Variants in ZNF652 observed in about 807,000 individuals in gnomAD.
ZNF652 encodes zinc finger protein 652.
In ZNF652, 16 loss-of-function variants were observed where a neutral mutation model predicts 45.2. The observed-to-expected ratio is 0.35, with a 90% CI of 0.24 to 0.54. The LOEUF is 0.54. Among genes scored for constraint, ZNF652 ranks in the 20% least tolerant of loss-of-function variants. The pLI, the probability that ZNF652 is intolerant of heterozygous loss-of-function variation, is 0.91. For missense variants in ZNF652, 614 were observed against 765.6 expected (o/e 0.80, Z 2.34); for synonymous variants, 250 against 260.6 (o/e 0.96, Z 0.39).
At chr17:49,324,591 T>C (rs184587734) in intron 1 of ZNF652, among the ~76,000 whole-genome samples, 51 of 152,140 alleles carry the variant, frequency 3.4e-4, no homozygotes, top group Middle Eastern at 3.4e-3. Context: ...TGTTTCACTA[T>C]GTTGGCCAGG....
Position 49,291,770 on chromosome 17 carries a change from C to A in ZNF652, c.*6643G>T, listed in dbSNP as rs908736628. 1.3e-5 allele frequency: 2 copies of A among 152,146 alleles called. No homozygotes were observed. The highest frequency in any genetic ancestry group is 2.9e-5 in the Non-Finnish European group (2 of 68,026). 9.4% of individuals were successfully genotyped at this position (152,146 alleles called of 1,614,324 possible). The stretch of plus-strand genomic sequence containing the variant: ...CTATCCAAGAGGCAAACTTCTAGAT[C>A]AATAATGAGGAAGAAACATCATGGC... On this transcript the variant is annotated 3_prime_UTR_variant, in exon 6 of 6. Transcript: ENST00000430262.
intron 1 of ZNF652, among the ~76,000 whole-genome samples, chr17:49,345,343 TA>T (rs1269867628): frequency 6.6e-6 from 1 of 151,238 alleles, no homozygotes; most frequent in East Asian, 2.0e-4. Context: ...GCTGGGATTA[TA>T]GGTATGTTCC....
At chr17:49,302,340 G>C (rs1415480636) in intron 5 of ZNF652, among the ~76,000 whole-genome samples, 2 of 147,998 alleles carry the variant, frequency 1.4e-5, no homozygotes, top group Non-Finnish European at 3.0e-5. Flanking sequence ...CCAGGCTGGA[G>C]TGCAGTGGTG....
rs533008735 is a variant in ZNF652 at position 49,310,104 on chromosome 17, C to T, written c.1309+1208G>A. On this transcript the variant is annotated intron_variant, in intron 5 of 5. Transcript: ENST00000430262. The stretch of plus-strand genomic sequence containing the variant: ...GAGTAGCTGGGACCACAGGCGCCCA[C>T]CACCATGCCCGGCTAATTTTTTGTA... 7.2e-5 allele frequency among the ~76,000 whole-genome samples: 11 copies of T among 152,306 alleles called. No individual in the cohort carries two copies. In the South Asian group the frequency reaches 1.7e-3, roughly 23 times the overall value.
At position 49,295,920 on chromosome 17, in the gene ZNF652, A is replaced by C. The variant is rs2069466969; in HGVS notation, c.*2493T>G. Reference sequence around the variant, plus strand: ...GCCACTGCACTCCAGCCCAGGCAACAGAACAAGACTCTGCCTCAAAAAAAA... The same window carrying C: ...GCCACTGCACTCCAGCCCAGGCAACCGAACAAGACTCTGCCTCAAAAAAAA... On this transcript the variant is annotated 3_prime_UTR_variant, in exon 6 of 6. Transcript: ENST00000430262. 1 of 145,250 alleles carries C rather than the reference A, an allele frequency of 6.9e-6. No individual in the cohort carries two copies. Among genetic ancestry groups the C allele is most frequent in the Non-Finnish European group, 1.5e-5 (1 of 66,668 alleles). The allele number at this position is 145,250 out of a possible 1,614,324, so 9.0% of individuals were successfully genotyped here.
chr17:49,340,571 A>AAT (rs1408904683), intron 1 of ZNF652, among the ~76,000 whole-genome samples: 3 of 118,868 alleles, frequency 2.5e-5, no homozygotes, highest in Admixed American at 8.0e-5. Context: ...AAAAAAAAAA[A>AAT]GAAAGAAAGA....
chr17:49,308,624 A>C (rs750441074), intron 5 of ZNF652, among the ~76,000 whole-genome samples: 1 of 152,126 alleles, frequency 6.6e-6, no homozygotes, highest in Non-Finnish European at 1.5e-5. Flanking sequence ...CAACACAGTG[A>C]AACCCCATCT....
In ZNF652 at chr17:49,297,755, A is replaced by G. The variant is rs1466242496; in HGVS notation, c.*658T>C. Reference sequence around the variant, plus strand: ...TTTTTCTATTTTACAACATAGGTTCAGCTACACTGAAAAAATTACACTGCT... The same window carrying G: ...TTTTTCTATTTTACAACATAGGTTCGGCTACACTGAAAAAATTACACTGCT... On this transcript the variant is annotated 3_prime_UTR_variant, in exon 6 of 6. Transcript: ENST00000430262. The G allele has an allele frequency of 2.0e-5, 3 of 152,688 alleles. No individual in the cohort carries two copies. The highest frequency in any genetic ancestry group is 7.2e-5 in the African/African-American group (3 of 41,468). The allele number at this position is 152,688 out of a possible 1,614,324, so 9.5% of individuals were successfully genotyped here.
At chr17:49,351,014 T>TATATACAC (rs2070273379) in intron 1 of ZNF652, among the ~76,000 whole-genome samples, 23 of 29,680 alleles carry the variant, frequency 7.7e-4, no homozygotes, top group Non-Finnish European at 8.2e-4. Context: ...TATATATATA[T>TATATACAC]ACACACACAC....
rs543351873 is a variant in ZNF652 at position 49,350,336 on chromosome 17, C to T, written c.-259+11573G>A. Among the ~76,000 whole-genome samples, 291 of 151,864 alleles carry T rather than the reference C, an allele frequency of 1.9e-3. 1 individual carries two copies. The highest frequency in any genetic ancestry group is 3.1e-3 in the Non-Finnish European group (211 of 67,962). On this transcript the variant is annotated intron_variant, in intron 1 of 5. Transcript: ENST00000430262. ...GGCAGATCACCTGAGATCAGGAGTT[C>T]GAGACCAGCCTGGCCAACATGGCAA...
rs1321827712 is a variant in ZNF652 at position 49,289,405 on chromosome 17, A to G, written c.*9008T>C. 1 of 152,246 alleles carries G rather than the reference A, an allele frequency of 6.6e-6. No individual in the cohort carries two copies. The highest frequency in any genetic ancestry group is 1.5e-5 in the Non-Finnish European group (1 of 68,038). 9.4% of individuals were successfully genotyped at this position (152,246 alleles called of 1,614,324 possible). A position where few individuals can be genotyped will look rare whatever the true frequency, so the allele number is the denominator to read the frequency against. On this transcript the variant is annotated 3_prime_UTR_variant, in exon 6 of 6. Coordinates refer to ENST00000430262, the MANE Select transcript of ZNF652 (RefSeq NM_001145365.3). ...AGTTTTAACAATCTATAAATTTTTTATACTTAAAATCATGATTGAGTTGAA... is the reference window on the plus strand; with the variant it reads ...AGTTTTAACAATCTATAAATTTTTTGTACTTAAAATCATGATTGAGTTGAA...
At chr17:49,356,182 C>A (rs139767540) in intron 1 of ZNF652, among the ~76,000 whole-genome samples, 1 of 151,866 alleles carries the variant, frequency 6.6e-6, no homozygotes, top group Non-Finnish European at 1.5e-5. Flanking sequence ...AATCTCAGCA[C>A]TTTGGGAGGC....
At chr17:49,331,371 T>C (rs2070023250) in intron 1 of ZNF652, among the ~76,000 whole-genome samples, 1 of 152,110 alleles carries the variant, frequency 6.6e-6, no homozygotes, top group South Asian at 2.1e-4. Context: ...TCCACCCACC[T>C]CGGCCTCCCA....
chr17:49,324,176 T>C (rs2069929664), intron 1 of ZNF652, among the ~76,000 whole-genome samples: 1 of 152,246 alleles, frequency 6.6e-6, no homozygotes, highest in Non-Finnish European at 1.5e-5. Context: ...ACTTTTACGT[T>C]ATGGAGATAG....
chr17:49,298,725 A>G lies in ZNF652; in HGVS notation c.1509T>C (p.Ala503=). The G allele has an allele frequency of 1.2e-6, 2 of 1,614,118 alleles. No homozygotes were observed. Among genetic ancestry groups the G allele is most frequent in the Non-Finnish European group, 1.7e-6 (2 of 1,180,030 alleles). ...RVTSPVNVPP[A]VQIPLTTSPA... is the part of the protein sequence containing the mutation. ...GGGAAGTTGTAAGTGGGATCTGGAC[A>G]GCAGGTGGCACATTCACGGGGCTGG... Residue 503 remains alanine, a synonymous_variant, in exon 6 of 6, where the codon GCT becomes GCC. Coordinates refer to ENST00000430262, the MANE Select transcript of ZNF652 (RefSeq NM_001145365.3).
intron 5 of ZNF652, among the ~76,000 whole-genome samples, chr17:49,301,414 C>T (rs1225291439): frequency 3.3e-5 from 5 of 152,188 alleles, no homozygotes; most frequent in Admixed American, 2.0e-4. Flanking sequence ...CCTCCCGCCT[C>T]AGCCTTCAGA....
At chr17:49,330,627 G>T (rs1221765519) in intron 1 of ZNF652, among the ~76,000 whole-genome samples, 2 of 151,898 alleles carry the variant, frequency 1.3e-5, no homozygotes, top group East Asian at 1.9e-4. Context: ...AGGTTTACAG[G>T]TGTTTACAGG....
intron 2 of ZNF652, among the ~76,000 whole-genome samples, chr17:49,315,337 G>T (rs1447942549): frequency 6.6e-6 from 1 of 151,998 alleles, no homozygotes. Flanking sequence ...CACTGCGCCC[G>T]GTCTGGGTTT....
chr17:49,312,702 CAT>C lies in ZNF652; in HGVS notation c.1042_1043del (p.Met348GlyfsTer38). On this transcript the variant is annotated frameshift_variant, in exon 3 of 6. Transcript: ENST00000430262. LOFTEE classifies it high-confidence loss of function. ...FYTMAHVRKH[M>X]VAHTKDMPFT... ...GAGAAAAGCAGAAAAACTTACCAAC[CAT>C]GTGTTTCCGCACATGAGCCATGGTA... is the stretch of plus-strand genomic sequence containing the variant. The C allele has an allele frequency of 6.2e-7, 1 of 1,612,566 alleles. No homozygotes were observed. The highest frequency in any genetic ancestry group is 8.5e-7 in the Non-Finnish European group (1 of 1,179,542).
Sources: allele counts gnomAD v4.1 joint callset (sites outside exome capture counted in the v4.1 genomes callset), GRCh38; gene constraint gnomAD v4.1.1; transcripts MANE v1.5; gene names NCBI Gene and HGNC (gene_info 2026-07-23, HGNC 2026-07-21).